The following ANK1 variants were observed in gnomAD, a reference collection of about 807,000 sequenced individuals.
ANK1 encodes ankyrin 1, also known as ankyrin-1.
Under a neutral mutation model 210.4 loss-of-function variants are expected in ANK1, and 51 were observed. The ratio of observed to expected loss-of-function variants is 0.24; its 90% confidence interval spans 0.19 to 0.31. The LOEUF is 0.31. Ranked by LOEUF, ANK1 falls within the 10% of genes least tolerant of loss-of-function variation. ANK1 has a pLI of 1.00. For missense variants in ANK1, 2,051 were observed against 2,504.4 expected (o/e 0.82, Z 3.86); for synonymous variants, 967 against 1,025.9 (o/e 0.94, Z 1.10).
At chr8:41,866,461 T>G (rs554694587) in intron 1 of ANK1, among the ~76,000 whole-genome samples, 1 of 152,354 alleles carries the variant, frequency 6.6e-6, no homozygotes, top group South Asian at 2.1e-4. Flanking sequence ...CCCAAAGTGC[T>G]GAGATGACAG....
chr8:41,828,088 C>G (rs1238185512), intron 1 of ANK1: 3 of 152,232 alleles, frequency 2.0e-5, no homozygotes, highest in African/African-American at 7.2e-5. Context: ...GCCCCAGGGC[C>G]GCGAGCGCTC....
chr8:41,782,538 C>T (rs1269872201), intron 1 of ANK1, among the ~76,000 whole-genome samples: 4 of 152,160 alleles, frequency 2.6e-5, no homozygotes, highest in African/African-American at 7.2e-5. Flanking sequence ...GCCCTGCATC[C>T]AGCAGGTCTT....
intron 16 of ANK1, among the ~76,000 whole-genome samples, chr8:41,709,518 T>C (rs778225377): frequency 5.9e-5 from 9 of 152,262 alleles, no homozygotes; most frequent in Non-Finnish European, 1.0e-4. Context: ...TTCCATGACC[T>C]AGACTTCCTT....
rs2150810111 is a variant in ANK1, at chr8:41,848,958, C to G, written c.126+47397G>C. ...CATTGCCCCTGGTGCGACCTGCCCC[C>G]ATCCACCTGGAGCTTGACCTGCCTC... On this transcript the variant is annotated intron_variant, in intron 1 of 42. Coordinates refer to the ANK1 transcript ENST00000265709. 1.3e-5 allele frequency among the ~76,000 whole-genome samples: 2 copies of G among 152,332 alleles called. 1 individual carries two copies. The highest frequency in any genetic ancestry group is 4.1e-4 in the South Asian group (2 of 4,826).
chr8:41,742,770 A>C (rs1459483606), intron 2 of ANK1, among the ~76,000 whole-genome samples: 2 of 152,304 alleles, frequency 1.3e-5, no homozygotes, highest in African/African-American at 4.8e-5. Flanking sequence ...GACACCAAGG[A>C]GTCTGAGGAC....
intron 1 of ANK1, among the ~76,000 whole-genome samples, chr8:41,876,607 G>A (rs1332265137): frequency 6.6e-6 from 1 of 152,222 alleles, no homozygotes; most frequent in Non-Finnish European, 1.5e-5. Context: ...AAACGTACGC[G>A]CTGTCCTTCA....
intron 37 of ANK1, 115 bp from the exon 38 acceptor site, chr8:41,673,027 C>T (rs1474127818): frequency 3.4e-5 from 38 of 1,133,808 alleles, no homozygotes; most frequent in Non-Finnish European, 1.4e-5. Flanking sequence ...CACAGAGATG[C>T]ATGCACATTC....
intron 1 of ANK1, among the ~76,000 whole-genome samples, chr8:41,851,753 A>T (rs938359850): frequency 1.3e-5 from 2 of 152,194 alleles, no homozygotes; most frequent in Admixed American, 6.5e-5. Context: ...GCTCCTCAGG[A>T]GGCTGAGGTG....
intron 1 of ANK1, among the ~76,000 whole-genome samples, chr8:41,810,784 C>T (rs1481404903): frequency 6.6e-6 from 1 of 152,210 alleles, no homozygotes; most frequent in Non-Finnish European, 1.5e-5. Flanking sequence ...GCCGGGAGAG[C>T]CAGGAGAACA....
chr8:41,689,068 C>T (rs1818497576), intron 33 of ANK1, among the ~76,000 whole-genome samples: 1 of 152,136 alleles, frequency 6.6e-6, no homozygotes. Context: ...ACATCACAGC[C>T]CTGTGGAAAA....
At chr8:41,677,477 A>G (rs1814538268) in intron 37 of ANK1, among the ~76,000 whole-genome samples, 1 of 152,126 alleles carries the variant, frequency 6.6e-6, no homozygotes, top group African/African-American at 2.4e-5. Context: ...TGTGCTAGGT[A>G]TAGAAGTCTA....
intron 16 of ANK1, among the ~76,000 whole-genome samples, chr8:41,709,250 ACAGGAAGGCT>A (rs1338053486): frequency 6.6e-6 from 1 of 152,242 alleles, no homozygotes; most frequent in Non-Finnish European, 1.5e-5. Context: ...GAAGAGAATA[ACAGGAAGGCT>A]GGGTAAGGAA....
At chr8:41,722,918 GA>G (rs1352100723) in intron 9 of ANK1, among the ~76,000 whole-genome samples, 5 of 152,198 alleles carry the variant, frequency 3.3e-5, no homozygotes, top group African/African-American at 1.2e-4. Context: ...TGGTCCTTTA[GA>G]TAAAAAGTTT....
At chr8:41,665,267 C>T (rs901005693) in intron 39 of ANK1, 28 of 1,497,284 alleles carry the variant, frequency 1.9e-5, no homozygotes, top group Admixed American at 8.1e-5. Context: ...CCAGGCTCTG[C>T]CCTGAGTGGC....
intron 1 of ANK1, among the ~76,000 whole-genome samples, chr8:41,784,799 G>T (rs1846022908): frequency 6.6e-6 from 1 of 152,168 alleles, no homozygotes; most frequent in African/African-American, 2.4e-5. Flanking sequence ...TTTTGTTTTT[G>T]GTTTTCTAAG....
rs556343355 is a variant in ANK1, at chr8:41,735,879, A to AT, written c.130-1811dup. Among the ~76,000 whole-genome samples, 27 of 152,284 alleles carry AT rather than the reference A, an allele frequency of 1.8e-4. 1 individual carries two copies. The highest frequency in any genetic ancestry group is 4.6e-4 in the Admixed American group (7 of 15,296). On this transcript the variant is annotated intron_variant, in intron 2 of 42. Transcript: ENST00000289734. ...TGAGAAGGGGGGCTGCAAAGGGAAC[A>AT]TTACCTACCTCCTATTTAGGTCAGG...
At chr8:41,753,265 C>T (rs1051885882) in intron 2 of ANK1, among the ~76,000 whole-genome samples, 2 of 152,044 alleles carry the variant, frequency 1.3e-5, no homozygotes, top group Admixed American at 6.5e-5. Flanking sequence ...ATAGTTCCAT[C>T]ATGTAGGCCA....
intron 32 of ANK1, 39 bp downstream of exon 32, chr8:41,690,435 C>T (rs1818959815): frequency 6.2e-7 from 1 of 1,614,212 alleles, no homozygotes; most frequent in Non-Finnish European, 8.5e-7. Context: ...CCCCAACTTT[C>T]TAGACCCAGA....
At chr8:41,856,794 T>A (rs1475041110) in intron 1 of ANK1, among the ~76,000 whole-genome samples, 2 of 151,820 alleles carry the variant, frequency 1.3e-5, no homozygotes, top group Non-Finnish European at 2.9e-5. Flanking sequence ...CCAAAACATT[T>A]CTGGTCCCAA....
Sources: gnomAD v4.1 joint callset for allele counts (sites outside exome capture counted in the v4.1 genomes callset) on GRCh38, gnomAD v4.1.1 for gene constraint, MANE v1.5 for transcripts, NCBI Gene and HGNC (gene_info 2026-07-23, HGNC 2026-07-21) for gene names.